Variants in ALCAM observed in about 807,000 individuals in gnomAD.
ALCAM encodes CD166 antigen.
Under a neutral mutation model 70.9 loss-of-function variants are expected in ALCAM, and 30 were observed. The ratio of observed to expected loss-of-function variants is 0.42; its 90% CI spans 0.32 to 0.57. ALCAM has a LOEUF of 0.57. Ranked by LOEUF, ALCAM falls within the 20% of genes least tolerant of loss-of-function variation. The probability of loss-of-function intolerance (pLI) is 0.11; values close to 1 mark genes in which losing one functional copy is unlikely to be tolerated. For synonymous variants in ALCAM, 249 were observed against 242.5 expected (o/e 1.03, Z -0.25); for missense variants, 591 against 695.1 (o/e 0.85, Z 1.68).
At chr3:105,497,367 A>G (rs1559811483) in intron 1 of ALCAM, among the ~76,000 whole-genome samples, 1 of 152,222 alleles carries the variant, frequency 6.6e-6, no homozygotes, top group Non-Finnish European at 1.5e-5. Context: ...GGCCAACACT[A>G]CAATTCACAA....
At chr3:105,524,697 T>C in intron 3 of ALCAM, 189 bp downstream of exon 3, 1 of 1,330,398 alleles carries the variant, frequency 7.5e-7, no homozygotes, top group Non-Finnish European at 9.6e-7. Context: ...GAAATTCAAA[T>C]AGGAGATTTG....
At chr3:105,411,097 C>A (rs1441373574) in intron 1 of ALCAM, among the ~76,000 whole-genome samples, 1 of 151,996 alleles carries the variant, frequency 6.6e-6, no homozygotes, top group East Asian at 1.9e-4. Context: ...AACATTAATG[C>A]AGCTCTTACA....
At chr3:105,534,954 T>G in intron 6 of ALCAM, 109 bp downstream of exon 6, 1 of 1,073,466 alleles carries the variant, frequency 9.3e-7, no homozygotes, top group Non-Finnish European at 1.3e-6. Flanking sequence ...CTGCTTCCAG[T>G]CTGCACCCCA....
At chr3:105,490,789 G>T (rs1047061283) in intron 1 of ALCAM, among the ~76,000 whole-genome samples, 2 of 152,166 alleles carry the variant, frequency 1.3e-5, no homozygotes, top group African/African-American at 4.8e-5. Flanking sequence ...CTGTGGCTTT[G>T]CAGGGTATGG....
chr3:105,473,898 A>T (rs571038851), intron 1 of ALCAM, among the ~76,000 whole-genome samples: 60 of 147,626 alleles, frequency 4.1e-4, no homozygotes, highest in South Asian at 6.5e-4. Flanking sequence ...TTTTTTTTTT[A>T]AAGTTAAGGT....
chr3:105,410,065 A>C (rs970404377), intron 1 of ALCAM, among the ~76,000 whole-genome samples: 6 of 152,044 alleles, frequency 3.9e-5, no homozygotes, highest in African/African-American at 1.4e-4. Context: ...GTTTGGGAAA[A>C]TGTGTCATGA....
chr3:105,468,685 A>G (rs1253197415), intron 1 of ALCAM, among the ~76,000 whole-genome samples: 1 of 151,208 alleles, frequency 6.6e-6, no homozygotes, highest in Admixed American at 6.6e-5. Flanking sequence ...GCAGGTCCAT[A>G]TGCAATGACC....
At chr3:105,539,698 C>T (rs897938125) in intron 6 of ALCAM, among the ~76,000 whole-genome samples, 1 of 152,000 alleles carries the variant, frequency 6.6e-6, no homozygotes, top group African/African-American at 2.4e-5. Flanking sequence ...GTCTTTTATA[C>T]ATAAAATAAT....
chr3:105,563,203 GCAA>G (rs1940664935), intron 14 of ALCAM, among the ~76,000 whole-genome samples: 1 of 138,948 alleles, frequency 7.2e-6, no homozygotes, highest in Admixed American at 7.1e-5. Flanking sequence ...TGACATTTTT[GCAA>G]AAAAAAAAAA....
chr3:105,574,164 C>T (rs867557438), intron 15 of ALCAM, among the ~76,000 whole-genome samples: 5 of 151,482 alleles, frequency 3.3e-5, no homozygotes, highest in African/African-American at 4.9e-5. Flanking sequence ...ACAAATCCCA[C>T]GAAATAGTGT....
chr3:105,541,986 G>A (rs1940128819), intron 8 of ALCAM, among the ~76,000 whole-genome samples: 1 of 151,822 alleles, frequency 6.6e-6, no homozygotes, highest in Non-Finnish European at 1.5e-5. Flanking sequence ...TTTTGGCAGT[G>A]GTACATCTCC....
At chr3:105,389,398 T>TTA (rs1553718636) in intron 1 of ALCAM, among the ~76,000 whole-genome samples, 1 of 127,822 alleles carries the variant, frequency 7.8e-6, no homozygotes. Context: ...TTTTTTTTTT[T>TTA]CTAAAAAACA....
At chr3:105,571,130 T>C (rs1940852024) in intron 14 of ALCAM, among the ~76,000 whole-genome samples, 1 of 152,206 alleles carries the variant, frequency 6.6e-6, no homozygotes, top group Admixed American at 6.5e-5. Context: ...TTTCAAACTG[T>C]GGCAGGCAGT....
chr3:105,526,059 A>G (rs1055021990), intron 3 of ALCAM, among the ~76,000 whole-genome samples: 3 of 152,134 alleles, frequency 2.0e-5, no homozygotes, highest in Admixed American at 2.0e-4. Flanking sequence ...TTTTTTGGTG[A>G]TAGTTATAAT....
intron 14 of ALCAM, among the ~76,000 whole-genome samples, chr3:105,560,967 T>A (rs1474105174): frequency 6.6e-6 from 1 of 152,236 alleles, no homozygotes; most frequent in Non-Finnish European, 1.5e-5. Context: ...TTGCTTTTAA[T>A]GTACAAATGA....
At chr3:105,371,869 T>G (rs1935244463) in intron 1 of ALCAM, among the ~76,000 whole-genome samples, 1 of 152,178 alleles carries the variant, frequency 6.6e-6, no homozygotes, top group African/African-American at 2.4e-5. Flanking sequence ...CATAGAAACT[T>G]AAATGCAATT....
At chr3:105,508,672 C>T (rs1228561259) in intron 1 of ALCAM, among the ~76,000 whole-genome samples, 1 of 152,062 alleles carries the variant, frequency 6.6e-6, no homozygotes, top group African/African-American at 2.4e-5. Context: ...GAAATGATGA[C>T]TACAGTTAAG....
intron 1 of ALCAM, among the ~76,000 whole-genome samples, chr3:105,414,015 A>C (rs1421790334): frequency 6.6e-6 from 1 of 152,146 alleles, no homozygotes; most frequent in East Asian, 1.9e-4. Context: ...TTAATAAATT[A>C]GATATAGTTC....
intron 1 of ALCAM, among the ~76,000 whole-genome samples, chr3:105,443,000 T>G (rs1244791157): frequency 6.6e-6 from 1 of 152,044 alleles, no homozygotes; most frequent in South Asian, 2.1e-4. Context: ...ATTTAATTTT[T>G]TGTGTATAGA....
Sources: allele counts gnomAD v4.1 joint callset (sites outside exome capture counted in the v4.1 genomes callset), GRCh38; gene constraint gnomAD v4.1.1; transcripts MANE v1.5; gene names NCBI Gene and HGNC (gene_info 2026-07-23, HGNC 2026-07-21).